ABCA7: variants seen among roughly 807,000 people sequenced by gnomAD.
ABCA7 encodes phospholipid-transporting ATPase ABCA7.
A neutral mutation model predicts 227.6 loss-of-function variants in ABCA7; 261 were observed. The ratio of observed to expected loss-of-function variants is 1.15; its 90% CI spans 1.04 to 1.27. ABCA7 has a LOEUF of 1.27. Ranked by LOEUF, ABCA7 falls within the 50% of genes most tolerant of loss-of-function variation. ABCA7 has a pLI of 0.00. For synonymous variants in ABCA7, 1,488 were observed against 1,279.7 expected (o/e 1.16, Z -3.47); for missense variants, 3,331 against 2,924.5 (o/e 1.14, Z -3.21).
chr19:1,049,249 C>T lies in ABCA7; in HGVS notation c.2381-17C>T, dbSNP rs2041113057. ...ACCCCCATGACCTCCATGGCTGAGT[C>T]CACCCCATCTCTGCAGTGCTGGTAG... is the stretch of plus-strand genomic sequence containing the variant. On this transcript the variant is annotated splice_polypyrimidine_tract_variant and intron_variant, in intron 17 of 46. Transcript: ENST00000263094. 6.3e-7 allele frequency: 1 copy of T among 1,582,226 alleles called. No individual in the cohort carries two copies. Among genetic ancestry groups the T allele is most frequent in the African/African-American group, 1.3e-5 (1 of 74,246 alleles).
rs764016824 is a variant in ABCA7, at chr19:1,063,830, G to T, written c.5918G>T (p.Arg1973Leu). ...FLWNSLLAVV[R>L]EGRSVMLTSH... ...TGGAACAGCCTTTTGGCCGTGGTGC[G>T]GGAGGGCCGTTCAGTGATGCTCACC... is the stretch of plus-strand genomic sequence containing the variant. The change falls in exon 44 of 47, where the codon CGG becomes CTG. Residue 1973 changes from arginine (R) to leucine (L), a missense_variant. Arg to Leu is a moderately radical substitution (Grantham distance 102). Coordinates refer to ENST00000263094, the MANE Select transcript of ABCA7 (RefSeq NM_019112.4). 3 of 1,542,712 alleles carry T rather than the reference G, an allele frequency of 1.9e-6. No individual in the cohort carries two copies.
In ABCA7 at chr19:1,065,092, G is replaced by T. The variant is rs2042959547; in HGVS notation, c.6206G>T (p.Arg2069Leu). Residue 2069 changes from arginine to leucine, a missense_variant, in exon 46 of 47, where the codon CGC becomes CTC. Physicochemically the swap from Arg to Leu is moderately radical, Grantham distance 102. Coordinates refer to ENST00000263094, the MANE Select transcript of ABCA7 (RefSeq NM_019112.4). ...CCGGGAGGGCGCTGCGCCCTGGCGC[G>T]CGTCTTTGGAGAGCTGGCGGTGCAC... The part of the protein sequence containing the change: ...LPPGGRCALA[R>L]VFGELAVHGA... 4 of 1,577,802 alleles carry T rather than the reference G, an allele frequency of 2.5e-6. No homozygotes were observed. The highest frequency in any genetic ancestry group is 2.6e-6 in the Non-Finnish European group (3 of 1,162,852).
Position 1,048,995 on chromosome 19 carries a change from G to A in ABCA7, c.2370G>A (p.Leu790=). 2 of 1,588,360 alleles carry A rather than the reference G, an allele frequency of 1.3e-6. No individual in the cohort carries two copies. The highest frequency in any genetic ancestry group is 1.7e-6 in the Non-Finnish European group (2 of 1,166,620). ...GTCCAGCCCCTTGCCCCACCCCGCT[G>A]GACCCAAAGGGTGAGGCACTACGAG... ...PKSPAPCPTP[L]DPKVLVEEAP... The change falls in exon 17 of 47, where the codon CTG becomes CTA. Residue 790 remains leucine (L), a synonymous_variant. Coordinates refer to ENST00000263094, the MANE Select transcript of ABCA7 (RefSeq NM_019112.4).
At chr19:1,064,762 T>C in intron 45 of ABCA7, 169 bp from the exon 46 acceptor site, 1 of 1,117,450 alleles carries the variant, frequency 8.9e-7, no homozygotes, top group South Asian at 1.8e-5. Flanking sequence ...GTGCCTGTGG[T>C]CTCAGCTACG....
In ABCA7 at chr19:1,050,943, C is replaced by CT. The variant is rs747891610; in HGVS notation, c.2575_2576insT (p.Pro859LeufsTer36). ...CAGGTCCATCTTGAGTGGCCTCTTCCCACCCAGTGGTGGCTCTGCCTTCAT... is the reference window on the plus strand; with the variant it reads ...CAGGTCCATCTTGAGTGGCCTCTTCCTCACCCAGTGGTGGCTCTGCCTTCAT... On this transcript the variant is annotated frameshift_variant, in exon 19 of 47. Coordinates refer to ENST00000263094, the MANE Select transcript of ABCA7 (RefSeq NM_019112.4). LOFTEE classifies it high-confidence loss of function. 5.6e-6 allele frequency: 9 copies of CT among 1,610,034 alleles called. No homozygotes were observed. In the African/African-American group the frequency reaches 1.1e-4, roughly 19 times the overall value.
chr19:1,041,741 G>A, intron 3 of ABCA7, 90 bp from the exon 4 acceptor site: 3 of 1,585,528 alleles, frequency 1.9e-6, no homozygotes, highest in Non-Finnish European at 8.5e-7. Context: ...GCTCTCCATC[G>A]CTGGAGGCAT....
rs1599702146 is a variant in ABCA7 at position 1,058,129 on chromosome 19, C to T, written c.5026-17C>T. The T allele has an allele frequency of 6.2e-7, 1 of 1,613,994 alleles. No homozygotes were observed. The highest frequency in any genetic ancestry group is 1.3e-5 in the African/African-American group (1 of 75,038). ...GACTCAGCCCCTGACCAACATCCGT[C>T]TCCCACCCTTGAGCAGAAGCTGCAG... On this transcript the variant is annotated splice_polypyrimidine_tract_variant and intron_variant, in intron 36 of 46. Transcript: ENST00000263094.
chr19:1,049,205 G>A (rs2041105807), intron 17 of ABCA7, 61 bp from the exon 18 acceptor site: 1 of 1,527,202 alleles, frequency 6.5e-7, no homozygotes. Flanking sequence ...CCAGCTCTGA[G>A]GGACTTGCAG....
chr19:1,059,244 T>A lies in ABCA7; in HGVS notation c.5463+159T>A, dbSNP rs1137776. 4.3e-3 allele frequency: 1,248 copies of A among 289,386 alleles called. 33 individuals carry two copies. The highest frequency in any genetic ancestry group is 7.1e-3 in the Middle Eastern group (6 of 848). The allele number at this position is 289,386 out of a possible 1,614,324, so 17.9% of individuals were successfully genotyped here. A position where few individuals can be genotyped will look rare whatever the true frequency, so the allele number is the denominator to read the frequency against. The stretch of plus-strand genomic sequence containing the variant: ...TTGTGCTCCTATTTTTATTTTATTA[T>A]ATTATTATTTATTTATTTATTTATT... On this transcript the variant is annotated intron_variant, in intron 40 of 46. Transcript: ENST00000263094.
At position 1,045,660 on chromosome 19, in the gene ABCA7, CCCCCCGCCCCCCTCCCCCACCA is replaced by C. The variant is rs2040556381; in HGVS notation, c.1445+430_1445+451del. ...CTGGGCAACATAGTGAGACCGCCTC[CCCCCCGCCCCCCTCCCCCACCA>C]ACCTCACGAAAATATCTTTAAAAAT... On this transcript the variant is annotated intron_variant, in intron 12 of 46. Transcript: ENST00000263094. The C allele has an allele frequency of 1.7e-5, 3 of 173,768 alleles. No homozygotes were observed. In the East Asian group the frequency reaches 5.2e-4, roughly 30 times the overall value. The allele number at this position is 173,768 out of a possible 1,614,324, so 10.8% of individuals were successfully genotyped here.
chr19:1,055,894 A>G lies in ABCA7; in HGVS notation c.4206-13A>G, dbSNP rs2144892895. 1 of 1,584,000 alleles carries G rather than the reference A, an allele frequency of 6.3e-7. No individual in the cohort carries two copies. Among genetic ancestry groups the G allele is most frequent in the Non-Finnish European group, 8.6e-7 (1 of 1,164,228 alleles). ...TCCCTGTCTGCCTGTGTCTCTGTCCATCTCTCCCACAGCCTGAAGACTAAG... is the reference window on the plus strand; with the variant it reads ...TCCCTGTCTGCCTGTGTCTCTGTCCGTCTCTCCCACAGCCTGAAGACTAAG... On this transcript the variant is annotated splice_polypyrimidine_tract_variant and intron_variant, in intron 30 of 46. Transcript: ENST00000263094.
chr19:1,046,615 G>A (rs778109855), intron 13 of ABCA7, among the ~76,000 whole-genome samples, 187 bp from the exon 14 acceptor site: 3 of 152,160 alleles, frequency 2.0e-5, no homozygotes, highest in Non-Finnish European at 2.9e-5. Context: ...GGGGCCCCCG[G>A]CGCAGGGACA....
Position 1,048,900 on chromosome 19 carries a change from T to C in ABCA7, c.2275T>C (p.Tyr759His), listed in dbSNP as rs1173173698. 1 of 1,602,752 alleles carries C rather than the reference T, an allele frequency of 6.2e-7. No homozygotes were observed. The highest frequency in any genetic ancestry group is 1.1e-5 in the South Asian group (1 of 89,096). The part of the protein sequence containing the change: ...WYLEAVCPGQ[Y>H]GIPEPWNFPF... The stretch of plus-strand genomic sequence containing the variant: ...ACCCGCGCCCCTCCCCGCAGGCCAG[T>C]ACGGGATCCCTGAACCATGGAATTT... Residue 759 changes from tyrosine to histidine, a missense_variant, in exon 17 of 47, where the codon TAC becomes CAC. Transcript: ENST00000263094.
At chr19:1,044,112 T>A (rs1463794975) in intron 10 of ABCA7, among the ~76,000 whole-genome samples, 1 of 151,518 alleles carries the variant, frequency 6.6e-6, no homozygotes, top group Non-Finnish European at 1.5e-5. Context: ...GATTTTTTTT[T>A]TTTATTTTTA....
chr19:1,062,363 C>T, intron 42 of ABCA7, 50 bp downstream of exon 42: 1 of 1,584,432 alleles, frequency 6.3e-7, no homozygotes, highest in South Asian at 1.1e-5. Context: ...CCCACCCGAC[C>T]CAGGCCGTGC....
At position 1,041,588 on chromosome 19, in the gene ABCA7, C is replaced by G; in HGVS notation, c.145C>G (p.Leu49Val). 3 of 1,612,528 alleles carry G rather than the reference C, an allele frequency of 1.9e-6. No individual in the cohort carries two copies. The highest frequency in any genetic ancestry group is 2.5e-6 in the Non-Finnish European group (3 of 1,180,018). ...LVAVRHSHPP[L>V]EHHECHFPNK... is the part of the protein sequence containing the mutation. ...GGCTGTTCGCCACTCCCACCCGCCC[C>G]TGGAGCACCATGAATGTGAGCCCCC... Residue 49 changes from leucine to valine, a missense_variant, in exon 3 of 47, where the codon CTG becomes GTG. By Grantham distance (32) the Leu-to-Val change is conservative (BLOSUM62 1). Transcript: ENST00000263094.
At chr19:1,062,099 A>C (rs2042693783) in intron 41 of ABCA7, 73 bp from the exon 42 acceptor site, 3 of 1,573,076 alleles carry the variant, frequency 1.9e-6, no homozygotes, top group Non-Finnish European at 2.6e-6. Context: ...GTGGGCCCTG[A>C]GACCCCTGTG....
intron 37 of ABCA7, 113 bp from the exon 38 acceptor site, chr19:1,058,505 G>A: frequency 6.6e-7 from 1 of 1,515,946 alleles, no homozygotes; most frequent in Non-Finnish European, 8.9e-7. Context: ...CTCCAGCTGA[G>A]TGGCCTATCC....
intron 45 of ABCA7, 141 bp from the exon 46 acceptor site, chr19:1,064,790 G>C (rs1299802041): frequency 3.7e-6 from 5 of 1,341,158 alleles, no homozygotes; most frequent in Non-Finnish European, 4.9e-6. Flanking sequence ...GGGGTGGCGG[G>C]GGACTGAGAC....
Sources: gnomAD v4.1 joint callset for allele counts (sites outside exome capture counted in the v4.1 genomes callset) on GRCh38, gnomAD v4.1.1 for gene constraint, MANE v1.5 for transcripts, NCBI Gene and HGNC (gene_info 2026-07-23, HGNC 2026-07-21) for gene names.